CHRNA5: variants seen among roughly 807,000 people sequenced by gnomAD.
The protein encoded by CHRNA5 is cholinergic receptor nicotinic alpha 5 subunit.
In CHRNA5, 28 loss-of-function variants were observed where a neutral mutation model predicts 41.2. The ratio of observed to expected loss-of-function variants is 0.68; its 90% CI spans 0.50 to 0.93. The LOEUF is 0.93. Ranked by LOEUF, CHRNA5 falls within the 40% of genes least tolerant of loss-of-function variation. The probability of loss-of-function intolerance (pLI) is 0.00; values close to 1 mark genes in which losing one functional copy is unlikely to be tolerated. For synonymous variants in CHRNA5, 188 were observed against 205.8 expected (o/e 0.91, Z 0.74); for missense variants, 481 against 581.9 (o/e 0.83, Z 1.78).
In CHRNA5 at chr15:78,588,415, G is replaced by A. The variant is rs1185708959; in HGVS notation, c.405G>A (p.Leu135=). 3 of 1,462,904 alleles carry A rather than the reference G, an allele frequency of 2.1e-6. No individual in the cohort carries two copies. Among genetic ancestry groups the A allele is most frequent in the Non-Finnish European group, 2.8e-6 (3 of 1,072,650 alleles). 90.6% of individuals were successfully genotyped at this position (1,462,904 alleles called of 1,614,324 possible). The stretch of plus-strand genomic sequence containing the variant: ...CTGTCTGGACACCAGACATCGTTTT[G>A]TTTGATAAGTAAGTTATATTCTAAA... The change falls in exon 4 of 6, where the codon TTG becomes TTA. Residue 135 remains leucine, a synonymous_variant. Transcript: ENST00000299565. This position sits in a 1 kb window ranked among gnomAD's most constrained non-coding sequence, Gnocchi z 4.1.
chr15:78,565,557 G>C (rs1291547087), exon 1 of CHRNA5: 1 of 216,834 alleles, frequency 4.6e-6, no homozygotes, highest in Non-Finnish European at 8.9e-6. Flanking sequence ...GCTAGGCTGA[G>C]GCTGCTGTCC....
chr15:78,593,122 G>A lies in CHRNA5; in HGVS notation c.1276G>A (p.Val426Ile), dbSNP rs150329151. ...TGAAGATTGGAAATTCATAGCCCAGGTTCTTGATCGGATGTTTCTGTGGAC... is the reference window on the plus strand; with the variant it reads ...TGAAGATTGGAAATTCATAGCCCAGATTCTTGATCGGATGTTTCTGTGGAC... Residue 426 changes from valine to isoleucine, a missense_variant, in exon 6 of 6, where the codon GTT becomes ATT. Physicochemically the swap from Val to Ile is conservative, Grantham distance 29. Coordinates refer to ENST00000299565, the Ensembl canonical transcript of CHRNA5. The A allele has an allele frequency of 1.2e-5, 20 of 1,611,958 alleles. No homozygotes were observed. In the African/African-American group the frequency reaches 2.4e-4, roughly 19 times the overall value.
At chr15:78,566,806 T>C (rs895370984) in intron 1 of CHRNA5, among the ~76,000 whole-genome samples, 1 of 151,236 alleles carries the variant, frequency 6.6e-6, no homozygotes, top group African/African-American at 2.5e-5. Flanking sequence ...AGAAATAAGA[T>C]GGAGGGTGAT....
At chr15:78,569,048 C>T (rs182184485) in intron 1 of CHRNA5, among the ~76,000 whole-genome samples, 93 of 152,198 alleles carry the variant, frequency 6.1e-4, no homozygotes, top group Non-Finnish European at 1.2e-3. Context: ...TATGTCCTTA[C>T]GTAAACTTTA....
intron 1 of CHRNA5, among the ~76,000 whole-genome samples, chr15:78,574,241 G>A (rs547495384): frequency 9.2e-4 from 139 of 151,626 alleles, no homozygotes; most frequent in African/African-American, 3.3e-3. Flanking sequence ...TTATCCGGGC[G>A]TGGTGGCACA....
At chr15:78,571,341 A>G (rs2052803018) in intron 1 of CHRNA5, among the ~76,000 whole-genome samples, 1 of 152,226 alleles carries the variant, frequency 6.6e-6, no homozygotes, top group Non-Finnish European at 1.5e-5. Context: ...AGCTGTCTTC[A>G]CTTTTCCATA....
chr15:78,576,448 A>G (rs1041658470), intron 1 of CHRNA5, among the ~76,000 whole-genome samples: 1 of 152,160 alleles, frequency 6.6e-6, no homozygotes, highest in Non-Finnish European at 1.5e-5. Context: ...GCCTGGCCCA[A>G]GTCAACTATT....
intron 1 of CHRNA5, among the ~76,000 whole-genome samples, chr15:78,568,044 T>C (rs2052765876): frequency 6.6e-6 from 1 of 152,262 alleles, no homozygotes; most frequent in Admixed American, 6.5e-5. Flanking sequence ...CGGTAGTAGA[T>C]GTTTTTAAGT....
rs1952531924 is a variant in CHRNA5 at position 78,592,931 on chromosome 15, G to A, written c.1246-161G>A. The A allele has an allele frequency of 2.5e-5, 17 of 680,518 alleles. No individual in the cohort carries two copies. In the South Asian group the frequency reaches 3.9e-4, roughly 16 times the overall value. The allele number at this position is 680,518 out of a possible 1,614,324, so 42.2% of individuals were successfully genotyped here. On this transcript the variant is annotated intron_variant, in intron 5 of 5. Coordinates refer to ENST00000299565, the Ensembl canonical transcript of CHRNA5. ...GCTTATATCTATAGTAGACCTTCAG[G>A]CTAGTGTCTGTCCCTGAGCTGAGTA...
chr15:78,571,578 C>CT (rs34248937), intron 1 of CHRNA5, among the ~76,000 whole-genome samples: 4,499 of 116,558 alleles, frequency 0.039, 112 homozygotes, highest in Non-Finnish European at 0.056. Flanking sequence ...GATGCTCTGC[C>CT]TTTTTTTTTT....
intron 1 of CHRNA5, among the ~76,000 whole-genome samples, chr15:78,572,156 G>A (rs1159154250): frequency 1.3e-5 from 2 of 152,128 alleles, no homozygotes; most frequent in Non-Finnish European, 1.5e-5. Flanking sequence ...TCTTATGGCA[G>A]CCTGTGAAGA....
At chr15:78,581,833 CT>C (rs1258126392) in intron 2 of CHRNA5, among the ~76,000 whole-genome samples, 2 of 152,068 alleles carry the variant, frequency 1.3e-5, no homozygotes, top group African/African-American at 2.4e-5. Flanking sequence ...TTGATTACTG[CT>C]TTTTCTCTAC....
At chr15:78,592,812 TATCCA>T (rs1285029858) in intron 5 of CHRNA5, among the ~76,000 whole-genome samples, 19 of 152,194 alleles carry the variant, frequency 1.2e-4, no homozygotes, top group African/African-American at 3.4e-4. Flanking sequence ...TATTGTAAAA[TATCCA>T]AGTCTATTTT....
exon 1 of CHRNA5, chr15:78,565,613 T>G (rs773868574): frequency 3.8e-6 from 1 of 261,802 alleles, no homozygotes; most frequent in Non-Finnish European, 6.6e-6. Flanking sequence ...GCGTCTGCCC[T>G]CGTTTTGTCT....
chr15:78,570,441 TTTTTTTTTA>T (rs1353613763), intron 1 of CHRNA5, among the ~76,000 whole-genome samples: 1 of 140,418 alleles, frequency 7.1e-6, no homozygotes, highest in Non-Finnish European at 1.5e-5. Context: ...TTTTTTTTTT[TTTTTTTTTA>T]GTAAAGACAG....
At chr15:78,567,252 C>CAAAAA (rs201126738) in intron 1 of CHRNA5, among the ~76,000 whole-genome samples, 2 of 78,720 alleles carry the variant, frequency 2.5e-5, no homozygotes, top group Non-Finnish European at 5.5e-5. Flanking sequence ...GACTCCGTCT[C>CAAAAA]AAAAAAAAAA....
chr15:78,574,147 A>G (rs2052834054), intron 1 of CHRNA5, among the ~76,000 whole-genome samples: 1 of 151,110 alleles, frequency 6.6e-6, no homozygotes, highest in South Asian at 2.1e-4. Context: ...GGGGGAGGCC[A>G]AGGCGGGCGG....
intron 2 of CHRNA5, among the ~76,000 whole-genome samples, chr15:78,585,860 C>T (rs1485602331): frequency 1.4e-5 from 2 of 138,064 alleles, no homozygotes; most frequent in Admixed American, 8.7e-5. Flanking sequence ...TCTTGGCTCA[C>T]TGCAACCTCT....
At position 78,590,651 on chromosome 15, in the gene CHRNA5, T is replaced by C; in HGVS notation, c.1245+15T>C. 6.3e-7 allele frequency: 1 copy of C among 1,576,120 alleles called. No individual in the cohort carries two copies. The highest frequency in any genetic ancestry group is 8.6e-7 in the Non-Finnish European group (1 of 1,158,938). On this transcript the variant is annotated intron_variant, in intron 5 of 5. Coordinates refer to ENST00000299565, the Ensembl canonical transcript of CHRNA5. Reference sequence around the variant, plus strand: ...ATGTCCGTGAGGTCTGTGATGTGTATTTACAAATGCAGATCTTCTTCCATT... The same window carrying C: ...ATGTCCGTGAGGTCTGTGATGTGTACTTACAAATGCAGATCTTCTTCCATT...
Sources: gnomAD v4.1 joint callset for allele counts (sites outside exome capture counted in the v4.1 genomes callset) on GRCh38, gnomAD v4.1.1 for gene constraint, Gnocchi (gnomAD v3.1) non-coding constraint, MANE v1.5 for transcripts, NCBI Gene and HGNC (gene_info 2026-07-23, HGNC 2026-07-21) for gene names.